PTBP3: variants seen among roughly 807,000 people sequenced by gnomAD.
PTBP3 encodes the protein polypyrimidine tract binding protein 3.
Under a neutral mutation model 58.7 loss-of-function variants are expected in PTBP3, and 20 were observed. The ratio of observed to expected loss-of-function variants is 0.34; its 90% CI spans 0.24 to 0.50. PTBP3 has a LOEUF of 0.50. PTBP3 is among the 20% of genes least tolerant of loss of function. The pLI is 0.98. For synonymous variants in PTBP3, 185 were observed against 219.8 expected (o/e 0.84, Z 1.40); for missense variants, 509 against 637.2 (o/e 0.80, Z 2.17).
At chr9:112,298,669 A>G in intron 1 of PTBP3, 1 of 380,974 alleles carries the variant, frequency 2.6e-6, no homozygotes, top group Non-Finnish European at 5.1e-6. Context: ...GATACACTGG[A>G]TAATAAAAAT....
chr9:112,331,525 G>C (rs1830375761), intron 1 of PTBP3, among the ~76,000 whole-genome samples: 1 of 152,144 alleles, frequency 6.6e-6, no homozygotes, highest in Non-Finnish European at 1.5e-5. Flanking sequence ...ATACCACGTA[G>C]ATTTTTTATT....
At chr9:112,320,314 A>ATATATATATATATATTTTTTTTT in intron 1 of PTBP3, among the ~76,000 whole-genome samples, 1 of 75,728 alleles carries the variant, frequency 1.3e-5, no homozygotes, top group Non-Finnish European at 2.3e-5. Context: ...ATATATATAT[A>ATATATATATATATATTTTTTTTT]TTTTTTTTTA....
intron 6 of PTBP3, 68 bp from the exon 7 acceptor site, chr9:112,251,171 T>A: frequency 7.7e-7 from 1 of 1,292,964 alleles, no homozygotes; most frequent in Non-Finnish European, 1.0e-6. Flanking sequence ...AGCCTCTACT[T>A]TGACAAAGAG....
the PTBP3 span, among the ~76,000 whole-genome samples, chr9:112,344,605 T>C: frequency 2.0e-5 from 3 of 152,130 alleles, no homozygotes; most frequent in African/African-American, 4.8e-5. Context: ...TATTCAGTTA[T>C]AGCAACAGAA....
intron 5 of PTBP3, among the ~76,000 whole-genome samples, chr9:112,254,874 A>G (rs555801427): frequency 6.6e-5 from 10 of 152,332 alleles, no homozygotes; most frequent in Non-Finnish European, 1.3e-4. Flanking sequence ...CTAGGTATAT[A>G]GCCAAAAAAT....
intron 1 of PTBP3, among the ~76,000 whole-genome samples, chr9:112,332,185 T>A (rs183778505): frequency 1.3e-5 from 2 of 152,320 alleles, no homozygotes; most frequent in South Asian, 4.1e-4. Flanking sequence ...GTTATAATTT[T>A]AAGAAATTTT....
At chr9:112,342,867 T>TG in the PTBP3 span, among the ~76,000 whole-genome samples, 1 of 17,030 alleles carries the variant, frequency 5.9e-5, no homozygotes, top group African/African-American at 2.3e-4. Context: ...ACTTTTTTTG[T>TG]GGGGGCGGGG....
At chr9:112,332,078 A>G (rs2132499082) in intron 1 of PTBP3, among the ~76,000 whole-genome samples, 1 of 152,250 alleles carries the variant, frequency 6.6e-6, no homozygotes, top group South Asian at 2.1e-4. Context: ...AATGTGAAAT[A>G]AGTTTTCAAC....
intron 3 of PTBP3, among the ~76,000 whole-genome samples, chr9:112,271,996 T>C (rs907190987): frequency 6.6e-6 from 1 of 152,148 alleles, no homozygotes; most frequent in African/African-American, 2.4e-5. Context: ...ATAGTATACA[T>C]AGTTTCCTCT....
At chr9:112,270,359 C>T (rs1234237749) in intron 3 of PTBP3, among the ~76,000 whole-genome samples, 1 of 152,180 alleles carries the variant, frequency 6.6e-6, no homozygotes. Context: ...CACACACGTG[C>T]ACACACATAT....
chr9:112,289,329 C>T (rs982780372), intron 2 of PTBP3, among the ~76,000 whole-genome samples: 14 of 152,070 alleles, frequency 9.2e-5, no homozygotes, highest in African/African-American at 3.1e-4. Context: ...TTCTACATTG[C>T]TTATATCATC....
At chr9:112,300,958 AT>A (rs1828898117) in intron 1 of PTBP3, among the ~76,000 whole-genome samples, 1 of 146,224 alleles carries the variant, frequency 6.8e-6, no homozygotes, top group African/African-American at 2.6e-5. Flanking sequence ...AACAAAAAAA[AT>A]GGATTATCAA....
At chr9:112,244,040 A>G (rs1835768055) in intron 7 of PTBP3, among the ~76,000 whole-genome samples, 1 of 151,898 alleles carries the variant, frequency 6.6e-6, no homozygotes, top group Admixed American at 6.6e-5. Flanking sequence ...AGTGGCTCAC[A>G]CCTGTAATCC....
At chr9:112,303,705 A>T (rs1416579776) in intron 1 of PTBP3, among the ~76,000 whole-genome samples, 1 of 152,034 alleles carries the variant, frequency 6.6e-6, no homozygotes, top group Non-Finnish European at 1.5e-5. Context: ...CTCTACTAAA[A>T]TTACAAAAAT....
At chr9:112,238,222 T>C (rs546922126) in intron 7 of PTBP3, among the ~76,000 whole-genome samples, 1 of 151,864 alleles carries the variant, frequency 6.6e-6, no homozygotes, top group Non-Finnish European at 1.5e-5. Flanking sequence ...AAAAAAGACA[T>C]ACAAAAAAAA....
rs137894773 is a variant in PTBP3 at position 112,262,515 on chromosome 9, C to T, written c.436G>A (p.Val146Ile). The part of the protein sequence containing the change: ...LSGGPSNEGT[V>I]LPGQSPVLRI... Reference sequence around the variant, plus strand: ...AGCACAGGGCTCTGCCCAGGTAGGACTGTGCCTTCATTGGAAGGACCTCCA... The same window carrying T: ...AGCACAGGGCTCTGCCCAGGTAGGATTGTGCCTTCATTGGAAGGACCTCCA... Residue 146 changes from valine to isoleucine, a missense_variant, in exon 5 of 14, where the codon GTC (valine) becomes ATC (isoleucine). By Grantham distance (29) the Val-to-Ile change is conservative (BLOSUM62 3). This residue lies in a region of PTBP3 where 212 missense variants were observed against 215.3 expected (regional missense o/e 0.98). Coordinates refer to ENST00000374257, the MANE Select transcript of PTBP3 (RefSeq NM_001163788.4). 5.0e-6 allele frequency: 8 copies of T among 1,611,988 alleles called. No individual in the cohort carries two copies. The highest frequency in any genetic ancestry group is 6.8e-6 in the Non-Finnish European group (8 of 1,179,274).
the PTBP3 span, among the ~76,000 whole-genome samples, chr9:112,354,940 ACATGTACT>A: frequency 3.9e-5 from 6 of 152,308 alleles, no homozygotes; most frequent in East Asian, 1.2e-3. Context: ...TGGAAAACGT[ACATGTACT>A]CACAGTGTAA....
intron 4 of PTBP3, among the ~76,000 whole-genome samples, chr9:112,264,217 G>A (rs1463448869): frequency 6.6e-6 from 1 of 152,132 alleles, no homozygotes; most frequent in African/African-American, 2.4e-5. Flanking sequence ...CTCAGATTGA[G>A]AAGAAGAAAA....
At chr9:112,372,975 T>C in the PTBP3 span, among the ~76,000 whole-genome samples, 1 of 151,636 alleles carries the variant, frequency 6.6e-6, no homozygotes, top group African/African-American at 2.4e-5. Context: ...CTCAGCTCAC[T>C]GCAGCCTCTC....
Sources: allele counts gnomAD v4.1 joint callset (sites outside exome capture counted in the v4.1 genomes callset), GRCh38; gene constraint gnomAD v4.1.1; regional missense constraint gnomAD v4.1.1; transcripts MANE v1.5; gene names NCBI Gene and HGNC (gene_info 2026-07-23, HGNC 2026-07-21).